Variants in ADGRB3 observed in about 807,000 individuals in gnomAD.
ADGRB3 encodes brain-specific angiogenesis inhibitor 3.
Under a neutral mutation model 193.4 loss-of-function variants are expected in ADGRB3, and 37 were observed. The ratio of observed to expected loss-of-function variants is 0.19; its 90% CI spans 0.15 to 0.25. The LOEUF is 0.25. Ranked by LOEUF, ADGRB3 falls within the 10% of genes least tolerant of loss-of-function variation. ADGRB3 has a pLI of 1.00. For synonymous variants in ADGRB3, 690 were observed against 644.2 expected, an observed-to-expected ratio of 1.07 and a Z score of -1.08; for missense variants, 1,637 against 1,852.9, an observed-to-expected ratio of 0.88 and a Z score of 2.14.
intron 17 of ADGRB3, among the ~76,000 whole-genome samples, chr6:69,207,684 C>T (rs182484802): frequency 2.0e-4 from 31 of 152,288 alleles, no homozygotes; most frequent in South Asian, 1.2e-3. Context: ...TTGTGGACTT[C>T]GAAAGGCCAT....
chr6:68,772,894 A>AAAAAAAT (rs1466813173), intron 3 of ADGRB3, among the ~76,000 whole-genome samples: 15 of 22,862 alleles, frequency 6.6e-4, no homozygotes, highest in Non-Finnish European at 9.6e-4. Flanking sequence ...AAAAAAAAAA[A>AAAAAAAT]ATATATATAT....
intron 17 of ADGRB3, among the ~76,000 whole-genome samples, chr6:69,173,650 GT>G (rs527592428): frequency 2.4e-3 from 353 of 144,648 alleles, no homozygotes; most frequent in African/African-American, 4.3e-3. Flanking sequence ...TTGTAGCATT[GT>G]TTTTTTTTTT....
At chr6:69,071,317 A>C (rs526898) in intron 16 of ADGRB3, among the ~76,000 whole-genome samples, 75,364 of 152,024 alleles carry the variant, frequency 0.5, 20,790 homozygotes, top group East Asian at 0.96. Flanking sequence ...ATGTCCAAAT[A>C]ACCTATTTTA....
At chr6:69,178,798 A>G (rs1018895823) in intron 17 of ADGRB3, among the ~76,000 whole-genome samples, 3 of 152,166 alleles carry the variant, frequency 2.0e-5, no homozygotes, top group African/African-American at 7.2e-5. Context: ...TTGGTTTATA[A>G]GGTTTCATCT....
At chr6:68,837,601 T>C (rs997982380) in intron 3 of ADGRB3, among the ~76,000 whole-genome samples, 5 of 152,208 alleles carry the variant, frequency 3.3e-5, no homozygotes, top group African/African-American at 9.6e-5. Context: ...TGAAATAAGA[T>C]AGAAAGTGAT....
chr6:68,694,150 C>T (rs12198528), intron 3 of ADGRB3, among the ~76,000 whole-genome samples: 15,217 of 151,840 alleles, frequency 0.1, 1,014 homozygotes, highest in Middle Eastern at 0.27. Context: ...TGGCATCTAC[C>T]CCCAAATTTG....
At chr6:69,205,418 G>A (rs1765517559) in intron 17 of ADGRB3, among the ~76,000 whole-genome samples, 1 of 149,354 alleles carries the variant, frequency 6.7e-6, no homozygotes, top group Non-Finnish European at 1.5e-5. Flanking sequence ...TACCTGAGAA[G>A]ATAGCCTCAT....
intron 20 of ADGRB3, among the ~76,000 whole-genome samples, chr6:69,243,476 A>T (rs1453446299): frequency 1.3e-5 from 2 of 151,838 alleles, no homozygotes; most frequent in Admixed American, 1.3e-4. Flanking sequence ...ACACAGAATG[A>T]TTATGGATAA....
At chr6:68,710,868 C>T (rs1765397117) in intron 3 of ADGRB3, among the ~76,000 whole-genome samples, 1 of 152,066 alleles carries the variant, frequency 6.6e-6, no homozygotes, top group Non-Finnish European at 1.5e-5. Context: ...TTTTAAATCT[C>T]CCTGTGTTCT....
chr6:68,954,471 G>C (rs1768015677), intron 6 of ADGRB3, among the ~76,000 whole-genome samples: 2 of 151,900 alleles, frequency 1.3e-5, no homozygotes, highest in East Asian at 3.9e-4. Flanking sequence ...GAGTCACCTG[G>C]ATCCTCTCTT....
chr6:69,251,699 T>C (rs1046446720), intron 20 of ADGRB3, among the ~76,000 whole-genome samples: 2 of 152,206 alleles, frequency 1.3e-5, no homozygotes, highest in Non-Finnish European at 2.9e-5. Context: ...TGTTTTGATA[T>C]AAGTATACTC....
chr6:69,155,864 T>C (rs564025682), intron 17 of ADGRB3, among the ~76,000 whole-genome samples: 1 of 152,322 alleles, frequency 6.6e-6, no homozygotes. Context: ...TAGTAACCAT[T>C]TGAGTACTAA....
intron 17 of ADGRB3, among the ~76,000 whole-genome samples, chr6:69,086,987 G>A (rs555414958): frequency 2.0e-5 from 3 of 152,122 alleles, no homozygotes; most frequent in Non-Finnish European, 4.4e-5. Context: ...TTGTAATAAA[G>A]TACCATGTAG....
chr6:69,330,446 C>T (rs1268677358), intron 22 of ADGRB3, 60 bp from the exon 23 acceptor site: 20 of 1,321,482 alleles, frequency 1.5e-5, no homozygotes, highest in South Asian at 2.9e-5. Context: ...TTGTATCACA[C>T]GTTAGTGGTC....
In ADGRB3 at chr6:69,006,265, A is replaced by G. The variant is rs565817705; in HGVS notation, c.1930-7773A>G. Among the ~76,000 whole-genome samples, 123 of 152,160 alleles carry G rather than the reference A, an allele frequency of 8.1e-4. 1 individual carries two copies. The highest frequency in any genetic ancestry group is 1.5e-3 in the Non-Finnish European group (101 of 68,006). ...ATCCCTACTTTAATCTATAATATGG[A>G]TGTATTCATGGTTTTATGTATCATG... On this transcript the variant is annotated intron_variant, in intron 11 of 31. Transcript: ENST00000370598.
chr6:69,014,195 A>C (rs1297118241), intron 12 of ADGRB3, 89 bp downstream of exon 12: 1 of 962,332 alleles, frequency 1.0e-6, no homozygotes, highest in African/African-American at 1.7e-5. Context: ...ATTTCAGGAA[A>C]ACAAGATATT....
chr6:69,018,327 C>T (rs1770157672), intron 12 of ADGRB3, 64 bp from the exon 13 acceptor site: 2 of 981,442 alleles, frequency 2.0e-6, no homozygotes, highest in African/African-American at 1.7e-5. Context: ...TAAAAAAATT[C>T]AGTTATATAT....
chr6:68,831,984 G>A (rs117183275), intron 3 of ADGRB3, among the ~76,000 whole-genome samples: 3 of 152,118 alleles, frequency 2.0e-5, no homozygotes, highest in South Asian at 4.1e-4. Flanking sequence ...TAATAGCATC[G>A]TGTGTTATCA....
In ADGRB3 at chr6:68,921,007, T is replaced by C. The variant is rs915527968; in HGVS notation, c.758-9552T>C. Among the ~76,000 whole-genome samples the C allele has an allele frequency of 9.2e-5, 14 of 152,142 alleles. No individual in the cohort carries two copies. The East Asian group carries it at 1.5e-3, about 17-fold the overall frequency. Reference sequence around the variant, plus strand: ...TTTATGTATATGTAAAAAATTAGGGTATAACACTTTTAAATAATTAAATTA... The same window carrying C: ...TTTATGTATATGTAAAAAATTAGGGCATAACACTTTTAAATAATTAAATTA... On this transcript the variant is annotated intron_variant, in intron 3 of 31. Coordinates refer to ENST00000370598, the MANE Select transcript of ADGRB3 (RefSeq NM_001704.3).
Sources: gnomAD v4.1 joint callset for allele counts (sites outside exome capture counted in the v4.1 genomes callset) on GRCh38, gnomAD v4.1.1 for gene constraint, MANE v1.5 for transcripts, NCBI Gene and HGNC (gene_info 2026-07-23, HGNC 2026-07-21) for gene names.